FKBP15: variants seen among roughly 807,000 people sequenced by gnomAD.
FKBP15 encodes FKBP prolyl isomerase family member 15, also known as FK506-binding protein 15.
A neutral mutation model predicts 158.1 loss-of-function variants in FKBP15; 106 were observed. The observed-to-expected ratio is 0.67, with a 90% CI of 0.57 to 0.79. The LOEUF (loss-of-function observed/expected upper bound fraction) is 0.79. Ranked by LOEUF, FKBP15 falls within the 30% of genes least tolerant of loss-of-function variation. The probability of loss-of-function intolerance (pLI) is 0.00; values close to 1 mark genes in which losing one functional copy is unlikely to be tolerated. For synonymous variants in FKBP15, 547 were observed against 548.6 expected, an observed-to-expected ratio of 1.00 and a Z score of 0.04; for missense variants, 1,287 against 1,479.1, an observed-to-expected ratio of 0.87 and a Z score of 2.13.
At chr9:113,199,330 T>G (rs1830743530) in intron 7 of FKBP15, among the ~76,000 whole-genome samples, 1 of 152,206 alleles carries the variant, frequency 6.6e-6, no homozygotes, top group Non-Finnish European at 1.5e-5. Context: ...AGTATATAAT[T>G]GGATCTCTAA....
In FKBP15 at chr9:113,162,053, A is replaced by G. The variant is rs1232961615; in HGVS notation, c.*4025T>C. On this transcript the variant is annotated 3_prime_UTR_variant, in exon 28 of 28. Coordinates refer to ENST00000238256, the MANE Select transcript of FKBP15 (RefSeq NM_015258.2). ...CTCCCATATCCAGGAGGGGATCTGC[A>G]GCTGTCCTGAAGCAATGTATCCCAC... is the stretch of plus-strand genomic sequence containing the variant. 2.7e-6 allele frequency: 1 copy of G among 374,330 alleles called. No individual in the cohort carries two copies. Among genetic ancestry groups the G allele is most frequent in the Non-Finnish European group, 5.1e-6 (1 of 197,694 alleles). 23.2% of individuals were successfully genotyped at this position (374,330 alleles called of 1,614,324 possible). A position where few individuals can be genotyped will look rare whatever the true frequency, so the allele number is the denominator to read the frequency against.
At chr9:113,200,382 T>C (rs1224314411) in intron 6 of FKBP15, among the ~76,000 whole-genome samples, 1 of 152,220 alleles carries the variant, frequency 6.6e-6, no homozygotes, top group Non-Finnish European at 1.5e-5. Flanking sequence ...GTTTCAGTGT[T>C]TGGGAACCTA....
chr9:113,196,845 G>A lies in FKBP15; in HGVS notation c.864+87C>T, dbSNP rs75726626. ...TATGCCTTCAGAACCTGGTTTTCAA[G>A]TATCTTCATTTATTTATTCATTTTG... On this transcript the variant is annotated intron_variant, in intron 9 of 27. Coordinates refer to ENST00000238256, the MANE Select transcript of FKBP15 (RefSeq NM_015258.2). 6.4e-3 allele frequency: 9,486 copies of A among 1,476,490 alleles called. 822 individuals are homozygous for A. The East Asian group carries it at 0.2, about 31-fold the overall frequency. The allele number at this position is 1,476,490 out of a possible 1,614,324, so 91.5% of individuals were successfully genotyped here. A position where few individuals can be genotyped will look rare whatever the true frequency, so the allele number is the denominator to read the frequency against.
chr9:113,177,462 C>G (rs1830320132), intron 20 of FKBP15, among the ~76,000 whole-genome samples: 1 of 152,132 alleles, frequency 6.6e-6, no homozygotes, highest in Non-Finnish European at 1.5e-5. Context: ...ACACATTTGC[C>G]TCATGTGGGC....
intron 6 of FKBP15, among the ~76,000 whole-genome samples, chr9:113,200,296 G>A (rs1830763653): frequency 6.6e-6 from 1 of 152,154 alleles, no homozygotes; most frequent in Non-Finnish European, 1.5e-5. Flanking sequence ...TATAAGTAGA[G>A]TACTTGACAA....
Position 113,188,407 on chromosome 9 carries a change from G to A in FKBP15, c.1258C>T (p.Pro420Ser), listed in dbSNP as rs1456631623. The change falls in exon 13 of 28, where the codon CCA becomes TCA. Residue 420 changes from proline to serine, a missense_variant. By Grantham distance (74) the Pro-to-Ser change is moderately conservative. Coordinates refer to ENST00000238256, the MANE Select transcript of FKBP15 (RefSeq NM_015258.2). ...PSLHPAHPAL[P>S]QMTSQAPQPS... Reference sequence around the variant, plus strand: ...TCCTTACCCTGTGAGGTCATCTGTGGTAACGCTGGATGGGCCGGATGAAGA... The same window carrying A: ...TCCTTACCCTGTGAGGTCATCTGTGATAACGCTGGATGGGCCGGATGAAGA... 6.2e-7 allele frequency: 1 copy of A among 1,613,774 alleles called. No individual in the cohort carries two copies. Among genetic ancestry groups the A allele is most frequent in the Non-Finnish European group, 8.5e-7 (1 of 1,179,830 alleles).
chr9:113,217,218 T>G (rs1831156891), intron 1 of FKBP15, among the ~76,000 whole-genome samples: 1 of 146,510 alleles, frequency 6.8e-6, no homozygotes, highest in Admixed American at 6.8e-5. Context: ...TTTTTTTTTT[T>G]TTTTTTTTTA....
intron 4 of FKBP15, among the ~76,000 whole-genome samples, chr9:113,203,464 T>C (rs1830831164): frequency 6.6e-6 from 1 of 151,872 alleles, no homozygotes; most frequent in Non-Finnish European, 1.5e-5. Flanking sequence ...CTCATGCCCT[T>C]CCTAGTCAAT....
chr9:113,161,662 G>A lies in FKBP15; in HGVS notation c.*4416C>T, dbSNP rs115289441. 343 of 1,613,982 alleles carry A rather than the reference G, an allele frequency of 2.1e-4. No individual in the cohort carries two copies. In the African/African-American group the frequency reaches 2.9e-3, roughly 14 times the overall value. On this transcript the variant is annotated 3_prime_UTR_variant, in exon 28 of 28. Transcript: ENST00000238256. ...GCAGAGACAGACGGGGACTCTGCAG[G>A]CTCAGATTCATTCCCTGTTGGCAGA...
chr9:113,186,514 G>T, intron 14 of FKBP15, 151 bp from the exon 15 acceptor site: 1 of 624,644 alleles, frequency 1.6e-6, no homozygotes, highest in Non-Finnish European at 2.9e-6. Flanking sequence ...TTTGGCAGTT[G>T]GTAAGGACTG....
rs895209654 is a variant in FKBP15, at chr9:113,162,435, T to G, written c.*3643A>C. The G allele has an allele frequency of 3.6e-5, 9 of 248,416 alleles. No individual in the cohort carries two copies. The highest frequency in any genetic ancestry group is 2.1e-4 in the African/African-American group (9 of 43,486). 15.4% of individuals were successfully genotyped at this position (248,416 alleles called of 1,614,324 possible). ...CCGAAGTAGATTCAGGGGGGAAATA[T>G]GCCTTACTGATGATTTTCTCTTATT... is the stretch of plus-strand genomic sequence containing the variant. On this transcript the variant is annotated 3_prime_UTR_variant, in exon 28 of 28. Coordinates refer to ENST00000238256, the MANE Select transcript of FKBP15 (RefSeq NM_015258.2).
At chr9:113,214,119 C>G (rs1411784847) in intron 1 of FKBP15, among the ~76,000 whole-genome samples, 2 of 152,088 alleles carry the variant, frequency 1.3e-5, no homozygotes, top group African/African-American at 2.4e-5. Context: ...CTCAGCCTCT[C>G]AAGAAGCTGG....
rs1044337931 is a variant in FKBP15, at chr9:113,184,964, G to A, written c.1499-160C>T. ...CCCTGTCAGGAGAAGATATATGGGA[G>A]AGAGTAGAGGCAAAAGGGCTTCAAA... On this transcript the variant is annotated intron_variant, in intron 15 of 27. Coordinates refer to ENST00000238256, the MANE Select transcript of FKBP15 (RefSeq NM_015258.2). This position sits in a 1 kb window ranked among gnomAD's most constrained non-coding sequence, Gnocchi z 4.5. Among the ~76,000 whole-genome samples, 1 of 152,242 alleles carries A rather than the reference G, an allele frequency of 6.6e-6. No homozygotes were observed. The highest frequency in any genetic ancestry group is 1.5e-5 in the Non-Finnish European group (1 of 68,040).
chr9:113,218,721 CATT>C (rs1831195265), intron 1 of FKBP15, among the ~76,000 whole-genome samples: 1 of 152,060 alleles, frequency 6.6e-6, no homozygotes. Flanking sequence ...GGTCAAACCT[CATT>C]ATTGAATAGG....
At chr9:113,167,767 G>A (rs1391580425) in intron 27 of FKBP15, among the ~76,000 whole-genome samples, 4 of 152,180 alleles carry the variant, frequency 2.6e-5, no homozygotes, top group East Asian at 1.9e-4. Context: ...CAGCCAGAAC[G>A]GTTGTAACCT....
Position 113,169,287 on chromosome 9 carries a change from G to A in FKBP15, c.3422C>T (p.Thr1141Ile). Residue 1141 changes from threonine (T) to isoleucine (I), a missense_variant, in exon 26 of 28, where the codon ACA (threonine) becomes ATA (isoleucine). By Grantham distance (89) the Thr-to-Ile change is moderately conservative. Transcript: ENST00000238256. ...STGPHKELSS[T>I]EAGSTVAGAA... ...TCCTGCAACTGTGGAACCTGCCTCTGTGCTTGACAGCTCCTTGTGGGGACC... is the reference window on the plus strand; with the variant it reads ...TCCTGCAACTGTGGAACCTGCCTCTATGCTTGACAGCTCCTTGTGGGGACC... The A allele has an allele frequency of 6.2e-7, 1 of 1,614,046 alleles. No homozygotes were observed. The highest frequency in any genetic ancestry group is 8.5e-7 in the Non-Finnish European group (1 of 1,179,896).
At chr9:113,218,412 T>TATATAC (rs1831188813) in intron 1 of FKBP15, among the ~76,000 whole-genome samples, 1 of 135,450 alleles carries the variant, frequency 7.4e-6, no homozygotes, top group East Asian at 2.2e-4. Flanking sequence ...TATATATATA[T>TATATAC]ACATTTCTCA....
chr9:113,213,611 C>G (rs1021186795), intron 1 of FKBP15, among the ~76,000 whole-genome samples: 20 of 151,200 alleles, frequency 1.3e-4, no homozygotes, highest in African/African-American at 4.9e-4. Context: ...ACTAGATTAT[C>G]ATAAATGTCA....
intron 21 of FKBP15, among the ~76,000 whole-genome samples, chr9:113,175,438 A>G (rs1189201811): frequency 6.6e-6 from 1 of 152,228 alleles, no homozygotes; most frequent in African/African-American, 2.4e-5. Context: ...TTACCCTCTT[A>G]AAAGGCACTG....
Sources: allele counts gnomAD v4.1 joint callset (sites outside exome capture counted in the v4.1 genomes callset), GRCh38; gene constraint gnomAD v4.1.1; non-coding constraint Gnocchi (gnomAD v3.1); transcripts MANE v1.5; gene names NCBI Gene and HGNC (gene_info 2026-07-23, HGNC 2026-07-21).